Variants in EXD3 observed in about 807,000 individuals in gnomAD.
EXD3 encodes exonuclease 3'-5' domain containing 3, also known as exonuclease mut-7 homolog.
A neutral mutation model predicts 98.0 loss-of-function variants in EXD3; 92 were observed. The observed-to-expected ratio is 0.94, with a 90% CI of 0.79 to 1.12. The LOEUF (loss-of-function observed/expected upper bound fraction) is 1.12, where lower values mean the gene tolerates loss of function less well. Ranked by LOEUF, EXD3 falls within the 50% of genes most tolerant of loss-of-function variation. The pLI is 0.00. For missense variants in EXD3, 1,222 were observed against 1,191.6 expected, an observed-to-expected ratio of 1.03 and a Z score of -0.38; for synonymous variants, 569 against 526.0, an observed-to-expected ratio of 1.08 and a Z score of -1.12.
intron 17 of EXD3, among the ~76,000 whole-genome samples, chr9:137,329,521 AC>A (rs1832822066): frequency 1.1e-5 from 1 of 92,202 alleles, no homozygotes; most frequent in African/African-American, 5.2e-5. Flanking sequence ...ACGGGACTAC[AC>A]GGGACTACAC....
intron 10 of EXD3, 108 bp from the exon 11 acceptor site, chr9:137,352,894 C>G: frequency 6.9e-7 from 1 of 1,454,454 alleles, no homozygotes; most frequent in Non-Finnish European, 9.0e-7. Context: ...GCTATGAGCA[C>G]TCGGGGAGGA....
At chr9:137,390,114 T>A (rs1340568029) in intron 2 of EXD3, among the ~76,000 whole-genome samples, 3 of 75,336 alleles carry the variant, frequency 4.0e-5, no homozygotes, top group Non-Finnish European at 6.7e-5. Context: ...AGAGCGAGAC[T>A]CTGTCAAAAA....
intron 7 of EXD3, among the ~76,000 whole-genome samples, chr9:137,357,006 G>A (rs73581580): frequency 0.12 from 18,634 of 152,198 alleles, 1,336 homozygotes; most frequent in African/African-American, 0.14. Context: ...GTCTGTGCCC[G>A]CTGCACACCA....
intron 19 of EXD3, among the ~76,000 whole-genome samples, chr9:137,320,081 C>T (rs1017961463): frequency 2.6e-5 from 4 of 152,200 alleles, no homozygotes; most frequent in Admixed American, 6.5e-5. Flanking sequence ...GCTCCCAGGC[C>T]GGGGCGGGCA....
At chr9:137,379,508 G>A (rs1396388831) in intron 3 of EXD3, among the ~76,000 whole-genome samples, 1 of 150,426 alleles carries the variant, frequency 6.6e-6, no homozygotes, top group Non-Finnish European at 1.5e-5. Flanking sequence ...ACCGTTGCCT[G>A]GGGCCGAGGG....
chr9:137,327,470 G>C (rs1832489615), intron 17 of EXD3, among the ~76,000 whole-genome samples: 1 of 152,158 alleles, frequency 6.6e-6, no homozygotes, highest in Non-Finnish European at 1.5e-5. Context: ...GTTCTGGAAA[G>C]GGGTGGTGGT....
At chr9:137,417,918 G>C (rs751502223) in intron 1 of EXD3, among the ~76,000 whole-genome samples, 7 of 152,144 alleles carry the variant, frequency 4.6e-5, no homozygotes, top group African/African-American at 7.2e-5. Context: ...GGGGCCGGAG[G>C]GGGTGAGCTG....
Position 137,355,593 on chromosome 9 carries a change from GGCGGA to G in EXD3, c.757+670_757+674del, listed in dbSNP as rs1334145779. 1.1e-3 allele frequency among the ~76,000 whole-genome samples: 8 copies of G among 7,154 alleles called. 1 individual carries two copies. The highest frequency in any genetic ancestry group is 7.3e-3 in the African/African-American group (7 of 962). The allele number at this position is 7,154 out of a possible 152,430, so 4.7% of individuals were successfully genotyped here. On this transcript the variant is annotated intron_variant, in intron 8 of 21. Transcript: ENST00000340951. Reference sequence around the variant, plus strand: ...GATGGAGGAAGGAGGAAGGAGAAAGGGCGGAAGGAGAAAGGAGGAAGGAGGAAGGG... The same window carrying G: ...GATGGAGGAAGGAGGAAGGAGAAAGGAGGAGAAAGGAGGAAGGAGGAAGGG...
At chr9:137,359,558 G>A (rs74826831) in intron 7 of EXD3, among the ~76,000 whole-genome samples, 2,982 of 84,172 alleles carry the variant, frequency 0.035, 940 homozygotes, top group African/African-American at 0.087. Flanking sequence ...TGTAAATAAA[G>A]GACATTCCAG....
At chr9:137,387,096 C>T (rs1836639461) in intron 2 of EXD3, among the ~76,000 whole-genome samples, 1 of 151,538 alleles carries the variant, frequency 6.6e-6, no homozygotes, top group South Asian at 2.1e-4. Context: ...TCCTGCCTGG[C>T]CCCCGGCCCC....
chr9:137,354,759 C>T lies in EXD3; in HGVS notation c.772G>A (p.Ala258Thr), dbSNP rs201015751. 7.0e-5 allele frequency: 113 copies of T among 1,610,170 alleles called. 1 individual carries two copies. Among genetic ancestry groups the T allele is most frequent in the African/African-American group, 6.5e-4 (49 of 75,066 alleles). The change falls in exon 9 of 22, where the codon GCG becomes ACG. Residue 258 changes from alanine to threonine, a missense_variant. Coordinates refer to ENST00000340951, the MANE Select transcript of EXD3 (RefSeq NM_017820.5). ...YGVAPALCPNAAIQQRLAALR... is the reference protein window; with the variant it reads ...YGVAPALCPNTAIQQRLAALR... ...GCCGCCAGGCGCTGCTGAATGGCCG[C>T]GTTGGGACACAGCGCTGAAAGGAAA...
chr9:137,373,716 C>G (rs1204855364), intron 3 of EXD3, 117 bp from the exon 4 acceptor site: 1 of 1,206,444 alleles, frequency 8.3e-7, no homozygotes, highest in Non-Finnish European at 1.1e-6. Flanking sequence ...TAGCTGTGGC[C>G]ATTCAGCCGC....
intron 17 of EXD3, among the ~76,000 whole-genome samples, chr9:137,330,863 A>C (rs1833034588): frequency 6.6e-6 from 1 of 152,228 alleles, no homozygotes; most frequent in Non-Finnish European, 1.5e-5. Flanking sequence ...AAGGTCTGCC[A>C]TGCAACAAGT....
At chr9:137,351,183 A>G in intron 13 of EXD3, 36 bp from the exon 14 acceptor site, 1 of 1,546,914 alleles carries the variant, frequency 6.5e-7, no homozygotes, top group South Asian at 1.2e-5. Context: ...GGGCGCCTGC[A>G]GGCAGGGACC....
At chr9:137,365,556 G>A in intron 7 of EXD3, 1 of 156,114 alleles carries the variant, frequency 6.4e-6, no homozygotes, top group Non-Finnish European at 1.3e-5. Flanking sequence ...ACACAGACCT[G>A]CACAAACATG....
chr9:137,352,256 G>T, intron 11 of EXD3, 55 bp from the exon 12 acceptor site: 2 of 1,607,056 alleles, frequency 1.2e-6, no homozygotes, highest in South Asian at 2.2e-5. Flanking sequence ...CACCCACTCT[G>T]ACCTCGGAGC....
chr9:137,388,191 G>A (rs1287597382), intron 2 of EXD3, among the ~76,000 whole-genome samples: 1 of 151,320 alleles, frequency 6.6e-6, no homozygotes, highest in East Asian at 1.9e-4. Context: ...AGAGCCTGGT[G>A]CCCACACTGG....
intron 10 of EXD3, chr9:137,354,041 C>T (rs766414348): frequency 8.2e-5 from 98 of 1,198,588 alleles, no homozygotes; most frequent in Non-Finnish European, 8.9e-5. Context: ...TGACTCTCAG[C>T]CCCCACCCGG....
chr9:137,328,011 T>C lies in EXD3; in HGVS notation c.1999-3868A>G, dbSNP rs1832557269. Among the ~76,000 whole-genome samples the C allele has an allele frequency of 2.6e-5, 4 of 152,378 alleles. No individual in the cohort carries two copies. In the South Asian group the frequency reaches 8.3e-4, roughly 32 times the overall value. On this transcript the variant is annotated intron_variant, in intron 17 of 21. Coordinates refer to ENST00000340951, the MANE Select transcript of EXD3 (RefSeq NM_017820.5). ...CCCATATGATGAGTAAAACAACTAA[T>C]ATACTCCCATATGATGAGTAAAAAC...
Sources: gnomAD v4.1 joint callset for allele counts (sites outside exome capture counted in the v4.1 genomes callset) on GRCh38, gnomAD v4.1.1 for gene constraint, MANE v1.5 for transcripts, NCBI Gene and HGNC (gene_info 2026-07-23, HGNC 2026-07-21) for gene names.